CCSER1: variants seen among roughly 807,000 people sequenced by gnomAD.
The protein encoded by CCSER1 is serine-rich coiled-coil domain-containing protein 1.
In CCSER1, 41 loss-of-function variants were observed where a neutral mutation model predicts 82.0. The observed-to-expected ratio is 0.50, with a 90% CI of 0.39 to 0.65. CCSER1 has a LOEUF of 0.65. CCSER1 is among the 30% of genes least tolerant of loss of function. CCSER1 has a pLI of 0.00. For missense variants in CCSER1, 1,119 were observed against 1,064.2 expected, an observed-to-expected ratio of 1.05 and a Z score of -0.72; for synonymous variants, 414 against 383.9, an observed-to-expected ratio of 1.08 and a Z score of -0.92.
chr4:91,484,073 G>A (rs867050658), intron 10 of CCSER1, among the ~76,000 whole-genome samples: 1,559 of 96,150 alleles, frequency 0.016, 13 homozygotes, highest in Middle Eastern at 0.037. Flanking sequence ...AAAAAAAAAA[G>A]CAAAGCAAAA....
At chr4:91,085,675 A>AGG (rs994586681) in intron 9 of CCSER1, among the ~76,000 whole-genome samples, 1 of 152,110 alleles carries the variant, frequency 6.6e-6, no homozygotes, top group Non-Finnish European at 1.5e-5. Flanking sequence ...GTTTCAACAA[A>AGG]GGGTAGGCAA....
intron 3 of CCSER1, among the ~76,000 whole-genome samples, chr4:90,363,723 G>C (rs536628233): frequency 1.3e-5 from 2 of 152,152 alleles, no homozygotes; most frequent in African/African-American, 4.8e-5. Flanking sequence ...ATGACCTACA[G>C]TTTTAAACTT....
chr4:90,972,154 AAAAG>A (rs893891057), intron 9 of CCSER1, among the ~76,000 whole-genome samples: 3 of 151,824 alleles, frequency 2.0e-5, no homozygotes, highest in Non-Finnish European at 2.9e-5. Flanking sequence ...TTAAACAAGA[AAAAG>A]AAAGAAAGAC....
At chr4:91,212,738 T>C (rs1736922240) in intron 10 of CCSER1, among the ~76,000 whole-genome samples, 1 of 152,148 alleles carries the variant, frequency 6.6e-6, no homozygotes, top group Admixed American at 6.6e-5. Flanking sequence ...TTTAAATAAT[T>C]TAAACTTCTA....
chr4:90,534,631 G>T (rs1429938261), intron 5 of CCSER1, among the ~76,000 whole-genome samples: 1 of 152,040 alleles, frequency 6.6e-6, no homozygotes, highest in Non-Finnish European at 1.5e-5. Flanking sequence ...TAAAAAAATA[G>T]GTGAGATCAT....
rs1450381094 is a variant in CCSER1, at chr4:91,559,148, T to A, written c.2218-39424T>A. ...GGATATGGACCTCTGTCAACTATTC[T>A]GTGCTGGAAATCCCATTTTTTTTGA... On this transcript the variant is annotated intron_variant, in intron 10 of 10. Transcript: ENST00000509176. Among the ~76,000 whole-genome samples, 4 of 151,802 alleles carry A rather than the reference T, an allele frequency of 2.6e-5. No individual in the cohort carries two copies. The East Asian group carries it at 5.8e-4, about 22-fold the overall frequency.
chr4:91,499,622 G>T (rs919794620), intron 10 of CCSER1, among the ~76,000 whole-genome samples: 1 of 151,840 alleles, frequency 6.6e-6, no homozygotes, highest in African/African-American at 2.4e-5. Context: ...TCTGTGGTCT[G>T]CCTATTCATC....
intron 5 of CCSER1, among the ~76,000 whole-genome samples, chr4:90,526,041 A>G (rs1401956733): frequency 1.3e-5 from 2 of 152,292 alleles, no homozygotes; most frequent in East Asian, 1.9e-4. Context: ...GTTTTTCTCA[A>G]AATAGCTATA....
At chr4:90,229,948 T>C (rs931817635) in intron 1 of CCSER1, among the ~76,000 whole-genome samples, 2 of 152,074 alleles carry the variant, frequency 1.3e-5, no homozygotes, top group African/African-American at 2.4e-5. Context: ...GCACCCAAAA[T>C]AGGAGCACCC....
chr4:90,598,126 T>C (rs1783568963), intron 5 of CCSER1, among the ~76,000 whole-genome samples: 1 of 152,052 alleles, frequency 6.6e-6, no homozygotes, highest in Admixed American at 6.6e-5. Context: ...CTTTAGGGAG[T>C]GGTGATTTCA....
At chr4:90,702,951 G>A (rs189571941) in intron 6 of CCSER1, among the ~76,000 whole-genome samples, 1 of 152,092 alleles carries the variant, frequency 6.6e-6, no homozygotes, top group African/African-American at 2.4e-5. Context: ...TTTTTGAAGG[G>A]TTTTTTATGC....
intron 9 of CCSER1, among the ~76,000 whole-genome samples, chr4:91,065,988 A>T (rs2080816501): frequency 6.6e-6 from 1 of 152,192 alleles, no homozygotes; most frequent in Non-Finnish European, 1.5e-5. Context: ...CAATTACTTT[A>T]TCAAACATTC....
At chr4:90,217,444 C>T (rs752231484) in intron 1 of CCSER1, among the ~76,000 whole-genome samples, 7 of 152,130 alleles carry the variant, frequency 4.6e-5, no homozygotes, top group African/African-American at 1.2e-4. Context: ...GTATTCCGCC[C>T]GCCTCGGCCT....
intron 7 of CCSER1, among the ~76,000 whole-genome samples, chr4:90,779,575 T>A (rs761065877): frequency 5.3e-5 from 8 of 152,214 alleles, no homozygotes; most frequent in Admixed American, 1.3e-4. Flanking sequence ...TGTTATGAGT[T>A]CAAGCTCACA....
chr4:90,350,024 T>C (rs1205115278), intron 3 of CCSER1, among the ~76,000 whole-genome samples: 5 of 152,126 alleles, frequency 3.3e-5, no homozygotes, highest in South Asian at 2.1e-4. Flanking sequence ...AATACAGGAA[T>C]GATGCCATTT....
At chr4:90,582,944 T>C (rs1781567955) in intron 5 of CCSER1, among the ~76,000 whole-genome samples, 1 of 152,242 alleles carries the variant, frequency 6.6e-6, no homozygotes. Flanking sequence ...ATTGATATAC[T>C]GATCTGTAAT....
chr4:90,444,905 C>T lies in CCSER1; in HGVS notation c.1604-23329C>T, dbSNP rs546355266. Among the ~76,000 whole-genome samples the T allele has an allele frequency of 5.3e-5, 8 of 152,044 alleles. No individual in the cohort carries two copies. In the South Asian group the frequency reaches 1.7e-3, roughly 32 times the overall value. ...TCTGATGTTTAACAAACATAATTTACAGTGAACGCATGACATTTATTATAT... is the reference window on the plus strand; with the variant it reads ...TCTGATGTTTAACAAACATAATTTATAGTGAACGCATGACATTTATTATAT... On this transcript the variant is annotated intron_variant, in intron 4 of 10. Transcript: ENST00000509176.
intron 10 of CCSER1, among the ~76,000 whole-genome samples, chr4:91,246,829 C>T (rs972305155): frequency 5.5e-5 from 8 of 144,974 alleles, no homozygotes; most frequent in South Asian, 2.1e-4. Flanking sequence ...TACACACATA[C>T]ACACACACAC....
intron 10 of CCSER1, among the ~76,000 whole-genome samples, chr4:91,140,179 A>T (rs1728891608): frequency 6.6e-6 from 1 of 151,978 alleles, no homozygotes; most frequent in Non-Finnish European, 1.5e-5. Flanking sequence ...TATTAGAAAA[A>T]TTGTTCCCTT....
Sources: allele counts gnomAD v4.1 joint callset (sites outside exome capture counted in the v4.1 genomes callset), GRCh38; gene constraint gnomAD v4.1.1; transcripts MANE v1.5; gene names NCBI Gene and HGNC (gene_info 2026-07-23, HGNC 2026-07-21).